Variants in DPP6 observed in about 807,000 individuals in gnomAD.
DPP6 encodes A-type potassium channel modulatory protein DPP6.
In DPP6, 69 loss-of-function variants were observed where a neutral mutation model predicts 122.6. That is an observed-to-expected ratio of 0.56 (90% CI 0.46 to 0.69). The LOEUF is 0.69. Ranked by LOEUF, DPP6 falls within the 30% of genes least tolerant of loss-of-function variation. The pLI, the probability that DPP6 is intolerant of heterozygous loss-of-function variation, is 0.00. For missense variants in DPP6, 928 were observed against 1,116.9 expected, an observed-to-expected ratio of 0.83 and a Z score of 2.41; for synonymous variants, 418 against 433.1, an observed-to-expected ratio of 0.97 and a Z score of 0.43.
rs894749492 is a variant in DPP6, at chr7:154,760,071, A to T, written c.884-9346A>T. The stretch of plus-strand genomic sequence containing the variant: ...CCAGCAGGCAGAGGTTGCAGTGAGC[A>T]GAAATCATGCCATTGCACTCCAGCC... On this transcript the variant is annotated intron_variant, in intron 8 of 25. Coordinates refer to ENST00000377770, the MANE Select transcript of DPP6 (RefSeq NM_130797.4). The surrounding 1 kb of genome is among the most constrained non-coding windows in gnomAD (Gnocchi z 4.5). Among the ~76,000 whole-genome samples, 1 of 152,220 alleles carries T rather than the reference A, an allele frequency of 6.6e-6. No homozygotes were observed. The highest frequency in any genetic ancestry group is 1.5e-5 in the Non-Finnish European group (1 of 68,038).
At chr7:154,479,312 CTT>C (rs1322027386) in intron 3 of DPP6, among the ~76,000 whole-genome samples, 1 of 152,094 alleles carries the variant, frequency 6.6e-6, no homozygotes, top group African/African-American at 2.4e-5. Context: ...AATCCCAGCA[CTT>C]TGGGAGGCCA....
At chr7:154,707,079 T>C (rs1293604877) in intron 7 of DPP6, among the ~76,000 whole-genome samples, 1 of 152,232 alleles carries the variant, frequency 6.6e-6, no homozygotes. Flanking sequence ...TGGAAAATGA[T>C]GTAATACATT....
At position 154,731,330 on chromosome 7, in the gene DPP6, G is replaced by T. The variant is rs147875141; in HGVS notation, c.883+3443G>T. Among the ~76,000 whole-genome samples the T allele has an allele frequency of 5.2e-3, 796 of 152,304 alleles. 8 individuals are homozygous for T. The highest frequency in any genetic ancestry group is 0.018 in the African/African-American group (742 of 41,550). On this transcript the variant is annotated intron_variant, in intron 8 of 25. Transcript: ENST00000377770. ...CACTGCAGTCCATAGCTTGTTGGCAGAAAAATGCCTTATTGATTTGTTTTG... is the reference window on the plus strand; with the variant it reads ...CACTGCAGTCCATAGCTTGTTGGCATAAAAATGCCTTATTGATTTGTTTTG...
chr7:154,079,482 T>C (rs1295828905), intron 1 of DPP6, among the ~76,000 whole-genome samples: 2 of 152,120 alleles, frequency 1.3e-5, no homozygotes, highest in Non-Finnish European at 2.9e-5. Flanking sequence ...AACCCAAGAA[T>C]GGTCAAACGA....
intron 1 of DPP6, among the ~76,000 whole-genome samples, chr7:154,116,094 A>T (rs1441720951): frequency 6.6e-6 from 1 of 150,666 alleles, no homozygotes; most frequent in Non-Finnish European, 1.5e-5. Flanking sequence ...CTTATCCATC[A>T]TATTTATATA....
chr7:154,426,010 AGAT>A (rs1280877180), intron 1 of DPP6, among the ~76,000 whole-genome samples: 1 of 152,184 alleles, frequency 6.6e-6, no homozygotes, highest in Non-Finnish European at 1.5e-5. Context: ...CTAAAACAAA[AGAT>A]GAGATTTTAC....
intron 1 of DPP6, chr7:154,305,660 G>A: frequency 6.8e-7 from 1 of 1,459,888 alleles, no homozygotes; most frequent in Non-Finnish European, 9.2e-7. Flanking sequence ...ATGTATTTGG[G>A]GAAGAATTTT....
intron 1 of DPP6, among the ~76,000 whole-genome samples, chr7:153,918,169 T>C (rs1352597969): frequency 1.3e-5 from 2 of 152,096 alleles, no homozygotes; most frequent in Non-Finnish European, 2.9e-5. Flanking sequence ...AATAACCGAG[T>C]CATAAATGAT....
At chr7:154,588,310 G>T in intron 5 of DPP6, 1 of 679,716 alleles carries the variant, frequency 1.5e-6, no homozygotes, top group Non-Finnish European at 2.3e-6. Flanking sequence ...GATAATCATG[G>T]GAAGGAGACT....
intron 1 of DPP6, among the ~76,000 whole-genome samples, chr7:154,123,112 C>G (rs185072686): frequency 3.8e-4 from 58 of 152,310 alleles, no homozygotes; most frequent in African/African-American, 1.1e-3. Context: ...AAAATGAGGT[C>G]TCCAGGGAAA....
chr7:154,608,111 C>G (rs1390329216), intron 5 of DPP6, among the ~76,000 whole-genome samples: 20 of 148,064 alleles, frequency 1.4e-4, no homozygotes, highest in Admixed American at 6.8e-5. Context: ...TCCCAAGTAG[C>G]TGGGATTACA....
chr7:154,463,346 T>C (rs895456194), intron 2 of DPP6, among the ~76,000 whole-genome samples: 1 of 151,754 alleles, frequency 6.6e-6, no homozygotes, highest in African/African-American at 2.4e-5. Flanking sequence ...TAGCTGGGAC[T>C]ACAGGCGCGC....
the DPP6 span, among the ~76,000 whole-genome samples, chr7:153,871,595 C>G: frequency 6.6e-6 from 1 of 152,236 alleles, no homozygotes; most frequent in African/African-American, 2.4e-5. Flanking sequence ...ACCCCTTGCA[C>G]TTCCTGGGTG....
chr7:153,778,704 G>A, the DPP6 span, among the ~76,000 whole-genome samples: 1 of 152,022 alleles, frequency 6.6e-6, no homozygotes, highest in African/African-American at 2.4e-5. Flanking sequence ...GGCCAGTATG[G>A]GGGCAATTGG....
At chr7:153,928,601 G>A (rs997487825) in intron 1 of DPP6, among the ~76,000 whole-genome samples, 8 of 151,378 alleles carry the variant, frequency 5.3e-5, no homozygotes, top group Admixed American at 2.6e-4. Flanking sequence ...TGGTACAGGG[G>A]ACGAAGAAGA....
chr7:154,554,756 A>G (rs780472017), intron 4 of DPP6, among the ~76,000 whole-genome samples: 1 of 152,218 alleles, frequency 6.6e-6, no homozygotes, highest in Non-Finnish European at 1.5e-5. Flanking sequence ...TAAGTATAAA[A>G]GTTATGAGCA....
chr7:154,380,216 T>C (rs7776495), intron 1 of DPP6, among the ~76,000 whole-genome samples: 74,259 of 151,998 alleles, frequency 0.49, 20,771 homozygotes, highest in East Asian at 0.63. Context: ...ATGTATTAGG[T>C]GTGGTAAAAG....
At position 154,319,836 on chromosome 7, in the gene DPP6, C is replaced by T. The variant is rs572386224; in HGVS notation, c.244-126378C>T. ...CGAAACCCTGTCTCTACTAACAATA[C>T]AAAAATTAGCTGGGCATGGTGGTGG... On this transcript the variant is annotated intron_variant, in intron 1 of 25. Transcript: ENST00000377770. Among the ~76,000 whole-genome samples the T allele has an allele frequency of 4.7e-4, 69 of 147,060 alleles. 1 individual carries two copies. The highest frequency in any genetic ancestry group is 1.7e-3 in the African/African-American group (67 of 40,322).
the DPP6 span, among the ~76,000 whole-genome samples, chr7:153,879,429 A>G: frequency 0.68 from 103,246 of 151,980 alleles, 35,185 homozygotes; most frequent in South Asian, 0.76. Flanking sequence ...TCGCTGTGCC[A>G]CCCAGGCTGG....
Sources: gnomAD v4.1 joint callset for allele counts (sites outside exome capture counted in the v4.1 genomes callset) on GRCh38, gnomAD v4.1.1 for gene constraint, Gnocchi (gnomAD v3.1) non-coding constraint, MANE v1.5 for transcripts, NCBI Gene and HGNC (gene_info 2026-07-23, HGNC 2026-07-21) for gene names.